The following LARGE1 variants were observed in gnomAD, a reference collection of about 807,000 sequenced individuals.
The protein encoded by LARGE1 is xylosyl- and glucuronyltransferase LARGE1.
Under a neutral mutation model 87.6 loss-of-function variants are expected in LARGE1, and 43 were observed. The observed-to-expected ratio is 0.49, with a 90% CI of 0.38 to 0.63. The LOEUF (loss-of-function observed/expected upper bound fraction) is 0.63, where lower values mean the gene tolerates loss of function less well. Among genes scored for constraint, LARGE1 ranks in the 30% least tolerant of loss-of-function variants. LARGE1 has a pLI of 0.00. For missense variants in LARGE1, 802 were observed against 1,000.2 expected, an observed-to-expected ratio of 0.80 and a Z score of 2.67; for synonymous variants, 434 against 394.6, an observed-to-expected ratio of 1.10 and a Z score of -1.18.
intron 6 of LARGE1, among the ~76,000 whole-genome samples, chr22:33,537,694 G>A (rs2077081114): frequency 6.6e-6 from 1 of 152,128 alleles, no homozygotes; most frequent in Non-Finnish European, 1.5e-5. Flanking sequence ...AGCCTCCCAA[G>A]TAGCCGGGAC....
chr22:33,585,277 C>T (rs2078638874), intron 5 of LARGE1, among the ~76,000 whole-genome samples: 1 of 152,052 alleles, frequency 6.6e-6, no homozygotes, highest in Non-Finnish European at 1.5e-5. Context: ...TTTTGGTTGC[C>T]TATCCAGAGA....
At chr22:33,541,747 T>TAAAAA (rs35401796) in intron 6 of LARGE1, among the ~76,000 whole-genome samples, 2 of 137,634 alleles carry the variant, frequency 1.5e-5, no homozygotes, top group Non-Finnish European at 3.1e-5. Flanking sequence ...TTCCAAAAAT[T>TAAAAA]AAAAAAAAAA....
intron 7 of LARGE1, among the ~76,000 whole-genome samples, chr22:33,394,197 T>C (rs941263175): frequency 1.4e-5 from 2 of 141,508 alleles, no homozygotes; most frequent in Non-Finnish European, 3.0e-5. Context: ...GACCTCTGAT[T>C]CTTTTTTTTT....
intron 11 of LARGE1, among the ~76,000 whole-genome samples, chr22:33,253,958 A>G (rs1927133455): frequency 6.9e-6 from 1 of 145,908 alleles, no homozygotes; most frequent in South Asian, 2.2e-4. Context: ...CTTGCCACCT[A>G]TGTAAAAGAC....
chr22:33,762,145 C>T (rs1055887599), intron 1 of LARGE1, among the ~76,000 whole-genome samples: 3 of 130,386 alleles, frequency 2.3e-5, no homozygotes, highest in South Asian at 2.5e-4. Flanking sequence ...ACCTGGGAGG[C>T]GGAGGTTGCA....
At chr22:33,788,128 CAT>C (rs1353221395) in intron 1 of LARGE1, among the ~76,000 whole-genome samples, 6 of 152,308 alleles carry the variant, frequency 3.9e-5, no homozygotes, top group South Asian at 4.1e-4. Flanking sequence ...ATAATCCCCA[CAT>C]GTCATGGGCA....
chr22:33,759,782 C>G (rs1382964018), intron 2 of LARGE1, among the ~76,000 whole-genome samples: 2 of 152,126 alleles, frequency 1.3e-5, no homozygotes, highest in Non-Finnish European at 2.9e-5. Context: ...AGAATGTTTC[C>G]TTACATCAAG....
intron 2 of LARGE1, among the ~76,000 whole-genome samples, chr22:33,673,285 TTC>T (rs763105543): frequency 5.3e-5 from 8 of 151,878 alleles, no homozygotes; most frequent in Non-Finnish European, 8.8e-5. Flanking sequence ...TCAAAAAAAA[TTC>T]TCTGTGTTGG....
chr22:33,099,529 G>A, the LARGE1 span, among the ~76,000 whole-genome samples: 1 of 152,200 alleles, frequency 6.6e-6, no homozygotes, highest in Non-Finnish European at 1.5e-5. Context: ...TGGGATTACA[G>A]TCTTGAGCCA....
intron 7 of LARGE1, among the ~76,000 whole-genome samples, chr22:33,385,630 A>C (rs1158702812): frequency 6.8e-6 from 1 of 147,376 alleles, no homozygotes; most frequent in Non-Finnish European, 1.5e-5. Context: ...AAATACACTT[A>C]GGCTTAGCTG....
At chr22:33,511,788 C>T (rs925408417) in intron 6 of LARGE1, among the ~76,000 whole-genome samples, 3 of 152,202 alleles carry the variant, frequency 2.0e-5, no homozygotes, top group South Asian at 2.1e-4. Flanking sequence ...TTGTTTTCCA[C>T]GAAACGAAAT....
At chr22:33,534,521 T>C (rs548955228) in intron 6 of LARGE1, among the ~76,000 whole-genome samples, 1 of 152,212 alleles carries the variant, frequency 6.6e-6, no homozygotes, top group African/African-American at 2.4e-5. Context: ...AAAGAGCTGC[T>C]AGCCAGGCAT....
chr22:33,465,853 A>G (rs1014151621), intron 6 of LARGE1, among the ~76,000 whole-genome samples: 3 of 152,234 alleles, frequency 2.0e-5, no homozygotes, highest in African/African-American at 7.2e-5. Context: ...CACCAATGGC[A>G]TCCCTATCAT....
intron 2 of LARGE1, among the ~76,000 whole-genome samples, chr22:33,693,420 AGAGG>A (rs2082153984): frequency 6.6e-6 from 1 of 152,112 alleles, no homozygotes; most frequent in Non-Finnish European, 1.5e-5. Flanking sequence ...AAAATTAAAA[AGAGG>A]GAGGGAGTGA....
At chr22:33,610,493 GGA>G (rs2079395800) in intron 4 of LARGE1, among the ~76,000 whole-genome samples, 1 of 152,120 alleles carries the variant, frequency 6.6e-6, no homozygotes, top group Non-Finnish European at 1.5e-5. Flanking sequence ...ATCTGCCAGA[GGA>G]CATTTCTAAG....
chr22:33,371,921 T>G (rs886543857), intron 9 of LARGE1, among the ~76,000 whole-genome samples: 1 of 151,806 alleles, frequency 6.6e-6, no homozygotes, highest in East Asian at 1.9e-4. Context: ...GAGGCAGAGC[T>G]TGCAGTGAGC....
the LARGE1 span, among the ~76,000 whole-genome samples, chr22:33,134,578 C>T: frequency 6.6e-6 from 1 of 152,140 alleles, no homozygotes; most frequent in Non-Finnish European, 1.5e-5. Flanking sequence ...TTTATTTCCA[C>T]ATTCTATGTT....
At chr22:33,437,467 A>AT (rs545690866) in intron 6 of LARGE1, among the ~76,000 whole-genome samples, 6 of 150,646 alleles carry the variant, frequency 4.0e-5, no homozygotes, top group African/African-American at 9.8e-5. Context: ...AACATACCTA[A>AT]TTTTTTTTTT....
At chr22:33,690,632 G>C (rs1031421480) in intron 2 of LARGE1, among the ~76,000 whole-genome samples, 1 of 151,386 alleles carries the variant, frequency 6.6e-6, no homozygotes, top group East Asian at 1.9e-4. Flanking sequence ...GTAGGGTGAG[G>C]GCAGACAGAG....
Sources: allele counts gnomAD v4.1 joint callset (sites outside exome capture counted in the v4.1 genomes callset), GRCh38; gene constraint gnomAD v4.1.1; transcripts MANE v1.5; gene names NCBI Gene and HGNC (gene_info 2026-07-23, HGNC 2026-07-21).